The following PAK2 variants were observed in gnomAD, a reference collection of about 807,000 sequenced individuals.
PAK2 encodes serine/threonine-protein kinase PAK 2.
Under a neutral mutation model 65.9 loss-of-function variants are expected in PAK2, and 21 were observed. The observed-to-expected ratio is 0.32, with a 90% CI of 0.23 to 0.46. The LOEUF is 0.46. Ranked by LOEUF, PAK2 falls within the 20% of genes least tolerant of loss-of-function variation. The probability of loss-of-function intolerance (pLI) is 1.00; values close to 1 mark genes in which losing one functional copy is unlikely to be tolerated. For synonymous variants in PAK2, 204 were observed against 219.7 expected (o/e 0.93, Z 0.63); for missense variants, 324 against 642.6 (o/e 0.50, Z 5.36).
intron 2 of PAK2, among the ~76,000 whole-genome samples, chr3:196,797,935 A>G (rs1265993384): frequency 2.0e-5 from 3 of 152,182 alleles, no homozygotes; most frequent in East Asian, 1.9e-4. Context: ...CAAAACATCA[A>G]TATTTGTAGG....
At chr3:196,802,165 A>AG in intron 3 of PAK2, 138 bp downstream of exon 3, 1 of 622,858 alleles carries the variant, frequency 1.6e-6, no homozygotes, top group Non-Finnish European at 2.9e-6. Context: ...TTGGGAGGCC[A>AG]AGGCTGGCAG....
intron 11 of PAK2, 128 bp downstream of exon 11, chr3:196,814,696 T>G: frequency 1.6e-6 from 1 of 636,000 alleles, no homozygotes; most frequent in Non-Finnish European, 2.8e-6. Context: ...TCTCTGCAAA[T>G]TACTCCATCT....
At chr3:196,805,808 G>C (rs1560110757) in intron 5 of PAK2, among the ~76,000 whole-genome samples, 2 of 151,906 alleles carry the variant, frequency 1.3e-5, no homozygotes, top group Non-Finnish European at 2.9e-5. Context: ...AACACAGTCA[G>C]TTTTTGGAAA....
At chr3:196,790,475 A>G (rs192746756) in intron 2 of PAK2, among the ~76,000 whole-genome samples, 11 of 152,280 alleles carry the variant, frequency 7.2e-5, no homozygotes, top group African/African-American at 2.6e-4. Context: ...CTTCCCATCA[A>G]GTGATCTGGT....
At chr3:196,745,198 TC>T (rs1435004699) in intron 1 of PAK2, among the ~76,000 whole-genome samples, 2 of 151,486 alleles carry the variant, frequency 1.3e-5, no homozygotes, top group South Asian at 4.2e-4. Context: ...CACTGCAACT[TC>T]CGCCTCCCGG....
Position 196,791,965 on chromosome 3 carries a change from T to G in PAK2, c.187+9132T>G, listed in dbSNP as rs2108748656. Among the ~76,000 whole-genome samples, 1 of 152,146 alleles carries G rather than the reference T, an allele frequency of 6.6e-6. No homozygotes were observed. The highest frequency in any genetic ancestry group is 2.1e-4 in the South Asian group (1 of 4,824). ...AATAGAATTCCTGGGCTCAGTTTCT[T>G]ACAACTTCAGACACTAGTGATAGAC... is the stretch of plus-strand genomic sequence containing the variant. On this transcript the variant is annotated intron_variant, in intron 2 of 14. Transcript: ENST00000327134. This position sits in a 1 kb window ranked among gnomAD's most constrained non-coding sequence, Gnocchi z 4.0.
At chr3:196,749,202 C>G (rs932845981) in intron 1 of PAK2, among the ~76,000 whole-genome samples, 1 of 151,942 alleles carries the variant, frequency 6.6e-6, no homozygotes, top group South Asian at 2.1e-4. Flanking sequence ...AATGCTACTA[C>G]GAACATGGGT....
At chr3:196,757,811 C>T (rs935676750) in intron 1 of PAK2, among the ~76,000 whole-genome samples, 1 of 152,092 alleles carries the variant, frequency 6.6e-6, no homozygotes, top group Non-Finnish European at 1.5e-5. Flanking sequence ...AGAATACTCG[C>T]GTTAGATACT....
Position 196,827,822 on chromosome 3 carries a change from C to T in PAK2, c.1488+489C>T, listed in dbSNP as rs186678854. On this transcript the variant is annotated intron_variant, in intron 14 of 14. Transcript: ENST00000327134. Reference sequence around the variant, plus strand: ...AAACCGTAATGTGCAGTTTGTGCATCGTATCAATCCTCAGACCTGTTTACA... The same window carrying T: ...AAACCGTAATGTGCAGTTTGTGCATTGTATCAATCCTCAGACCTGTTTACA... Among the ~76,000 whole-genome samples, 138 of 151,882 alleles carry T rather than the reference C, an allele frequency of 9.1e-4. 1 individual carries two copies. The highest frequency in any genetic ancestry group is 3.1e-3 in the African/African-American group (129 of 41,412).
chr3:196,776,454 C>T (rs1466103197), intron 1 of PAK2, among the ~76,000 whole-genome samples: 5 of 152,130 alleles, frequency 3.3e-5, no homozygotes, highest in African/African-American at 9.7e-5. Context: ...CCACAAATTC[C>T]GGTTGTTCAG....
chr3:196,742,401 A>G (rs907265672), intron 1 of PAK2, among the ~76,000 whole-genome samples: 1 of 152,150 alleles, frequency 6.6e-6, no homozygotes, highest in African/African-American at 2.4e-5. Flanking sequence ...TTCTATTTCA[A>G]TTATACTTTT....
In PAK2 at chr3:196,805,943, G is replaced by A. The variant is rs1289195437; in HGVS notation, c.468+560G>A. Among the ~76,000 whole-genome samples, 4 of 149,442 alleles carry A rather than the reference G, an allele frequency of 2.7e-5. No homozygotes were observed. In the Admixed American group the frequency reaches 2.7e-4, roughly 10 times the overall value. Reference sequence around the variant, plus strand: ...TTTATTTTTTTTGAGTTAGAGTCTCGCTCTGTCGCCCAGGCTGGAGTGCAG... The same window carrying A: ...TTTATTTTTTTTGAGTTAGAGTCTCACTCTGTCGCCCAGGCTGGAGTGCAG... On this transcript the variant is annotated intron_variant, in intron 5 of 14. Coordinates refer to ENST00000327134, the MANE Select transcript of PAK2 (RefSeq NM_002577.4).
rs1380163664 is a variant in PAK2 at position 196,829,727 on chromosome 3, T to C, written c.*1322T>C. 2 of 152,186 alleles carry C rather than the reference T, an allele frequency of 1.3e-5. No individual in the cohort carries two copies. Among genetic ancestry groups the C allele is most frequent in the Non-Finnish European group, 2.9e-5 (2 of 68,044 alleles). The allele number at this position is 152,186 out of a possible 1,614,324, so 9.4% of individuals were successfully genotyped here. On this transcript the variant is annotated 3_prime_UTR_variant, in exon 15 of 15. Coordinates refer to ENST00000327134, the MANE Select transcript of PAK2 (RefSeq NM_002577.4). ...ATGAATTTATAGATCATTTGAGATGTTGAGTTACTTTAGTTTAGTTTTGTT... is the reference window on the plus strand; with the variant it reads ...ATGAATTTATAGATCATTTGAGATGCTGAGTTACTTTAGTTTAGTTTTGTT...
intron 1 of PAK2, among the ~76,000 whole-genome samples, chr3:196,762,929 C>T (rs1714033415): frequency 6.6e-6 from 1 of 152,026 alleles, no homozygotes; most frequent in Admixed American, 6.5e-5. Flanking sequence ...GTAATTTGAA[C>T]ATGAAAAAAC....
chr3:196,808,499 T>C (rs1248051166), intron 7 of PAK2, among the ~76,000 whole-genome samples: 2 of 145,998 alleles, frequency 1.4e-5, no homozygotes, highest in Admixed American at 7.1e-5. Flanking sequence ...AGGCGGAGGT[T>C]ATAGTGAGCC....
At chr3:196,792,416 A>G (rs1250708529) in intron 2 of PAK2, among the ~76,000 whole-genome samples, 2 of 152,170 alleles carry the variant, frequency 1.3e-5, no homozygotes. Flanking sequence ...CGTATTAATA[A>G]TTGTGTTTCA....
At chr3:196,812,388 C>T (rs992433107) in intron 9 of PAK2, 121 bp downstream of exon 9, 4 of 719,874 alleles carry the variant, frequency 5.6e-6, no homozygotes, top group Non-Finnish European at 1.0e-5. Context: ...AAGAATCGCT[C>T]TACGTATGTT....
intron 1 of PAK2, among the ~76,000 whole-genome samples, chr3:196,741,433 G>A (rs1010188708): frequency 3.9e-5 from 6 of 152,172 alleles, no homozygotes; most frequent in Non-Finnish European, 8.8e-5. Context: ...TATATGAAGA[G>A]CCTTTTTCAT....
chr3:196,757,723 A>G (rs1713816583), intron 1 of PAK2, among the ~76,000 whole-genome samples: 2 of 152,010 alleles, frequency 1.3e-5, no homozygotes, highest in Admixed American at 1.3e-4. Flanking sequence ...TTGCTGTCTC[A>G]TGAGCTACGT....
Sources: gnomAD v4.1 joint callset for allele counts (sites outside exome capture counted in the v4.1 genomes callset) on GRCh38, gnomAD v4.1.1 for gene constraint, Gnocchi (gnomAD v3.1) non-coding constraint, MANE v1.5 for transcripts, NCBI Gene and HGNC (gene_info 2026-07-23, HGNC 2026-07-21) for gene names.